The following AGBL4 variants were observed in gnomAD, a reference collection of about 807,000 sequenced individuals.
The protein encoded by AGBL4 is cytosolic carboxypeptidase 6.
In AGBL4, 58 loss-of-function variants were observed where a neutral mutation model predicts 66.4. The ratio of observed to expected loss-of-function variants is 0.87; its 90% CI spans 0.71 to 1.09. The LOEUF is 1.09. Ranked by LOEUF, AGBL4 falls within the 50% of genes least tolerant of loss-of-function variation. AGBL4 has a pLI of 0.00. For synonymous variants in AGBL4, 234 were observed against 222.9 expected (o/e 1.05, Z -0.44); for missense variants, 579 against 631.0 (o/e 0.92, Z 0.88).
intron 3 of AGBL4, among the ~76,000 whole-genome samples, chr1:49,607,543 T>A (rs1246873807): frequency 6.6e-6 from 1 of 152,124 alleles, no homozygotes; most frequent in Non-Finnish European, 1.5e-5. Context: ...GAGGTTTGCC[T>A]CTTCTAGGAG....
intron 6 of AGBL4, among the ~76,000 whole-genome samples, chr1:48,824,341 A>G (rs967494170): frequency 3.9e-5 from 6 of 152,222 alleles, no homozygotes; most frequent in African/African-American, 1.2e-4. Context: ...GACTTTTCTT[A>G]TGAAGACTTA....
At chr1:49,921,252 G>GA (rs1208290298) in intron 1 of AGBL4, among the ~76,000 whole-genome samples, 218 of 145,240 alleles carry the variant, frequency 1.5e-3, no homozygotes, top group African/African-American at 5.1e-3. Flanking sequence ...TTAAAAAAAA[G>GA]AAAAAAAAAC....
chr1:48,689,219 A>AAAAAAAAAAGAAAAG (rs1553207682), intron 6 of AGBL4, among the ~76,000 whole-genome samples: 3 of 141,514 alleles, frequency 2.1e-5, no homozygotes, highest in African/African-American at 9.3e-5. Context: ...AAAAAAAAAA[A>AAAAAAAAAAGAAAAG]AAAAGAAAAG....
chr1:49,972,809 C>T (rs892239472), intron 1 of AGBL4, among the ~76,000 whole-genome samples: 1 of 152,194 alleles, frequency 6.6e-6, no homozygotes, highest in Non-Finnish European at 1.5e-5. Flanking sequence ...GGGTTCAATA[C>T]TATCCATGCT....
intron 4 of AGBL4, among the ~76,000 whole-genome samples, chr1:49,217,310 T>C (rs561834538): frequency 6.6e-6 from 1 of 152,206 alleles, no homozygotes; most frequent in African/African-American, 2.4e-5. Context: ...CCCATTTACG[T>C]TTTTCTTTCT....
chr1:49,589,071 A>G (rs921159280), intron 3 of AGBL4, among the ~76,000 whole-genome samples: 3 of 152,190 alleles, frequency 2.0e-5, no homozygotes, highest in African/African-American at 4.8e-5. Flanking sequence ...AACAATTACC[A>G]GTGAAGGTAG....
intron 1 of AGBL4, among the ~76,000 whole-genome samples, chr1:49,885,706 A>G (rs1647961197): frequency 6.6e-6 from 1 of 152,134 alleles, no homozygotes. Context: ...CATAAGCTAT[A>G]TATCAAACTA....
chr1:48,808,640 T>G (rs1200500886), intron 6 of AGBL4, among the ~76,000 whole-genome samples: 1 of 151,528 alleles, frequency 6.6e-6, no homozygotes, highest in Non-Finnish European at 1.5e-5. Flanking sequence ...AGATCTAATG[T>G]GTAAGGCATG....
At chr1:49,956,931 T>C (rs1656657785) in intron 1 of AGBL4, among the ~76,000 whole-genome samples, 2 of 151,974 alleles carry the variant, frequency 1.3e-5, no homozygotes, top group African/African-American at 4.8e-5. Context: ...TGGAGAGCTT[T>C]GGATGCCTGG....
At chr1:49,824,753 G>A (rs950207243) in intron 2 of AGBL4, among the ~76,000 whole-genome samples, 1 of 152,288 alleles carries the variant, frequency 6.6e-6, no homozygotes, top group Non-Finnish European at 1.5e-5. Context: ...AACTAAAACT[G>A]TGTAAACATA....
chr1:48,687,410 T>C (rs1016355180), intron 6 of AGBL4, among the ~76,000 whole-genome samples: 1 of 152,152 alleles, frequency 6.6e-6, no homozygotes, highest in African/African-American at 2.4e-5. Context: ...GCGGGTGCTC[T>C]TGCTAGCAGG....
chr1:48,608,543 G>GTGGATGGATGGATGGA (rs111391043), intron 9 of AGBL4, among the ~76,000 whole-genome samples: 1 of 151,146 alleles, frequency 6.6e-6, no homozygotes, highest in African/African-American at 2.5e-5. Flanking sequence ...AGTCAGAGAA[G>GTGGATGGATGGATGGA]TGGATGGATG....
intron 5 of AGBL4, among the ~76,000 whole-genome samples, chr1:48,900,080 T>A (rs1324786454): frequency 1.3e-5 from 2 of 151,786 alleles, no homozygotes; most frequent in African/African-American, 4.8e-5. Flanking sequence ...GGGGTTGGAG[T>A]GCTCCAGTCA....
intron 8 of AGBL4, among the ~76,000 whole-genome samples, chr1:48,640,282 CT>C (rs1427123844): frequency 6.6e-6 from 1 of 152,160 alleles, no homozygotes; most frequent in Non-Finnish European, 1.5e-5. Context: ...AGTATCTTTT[CT>C]TTCTTCCTCT....
intron 3 of AGBL4, among the ~76,000 whole-genome samples, chr1:49,333,858 T>A (rs191392751): frequency 1.8e-4 from 28 of 152,258 alleles, no homozygotes; most frequent in African/African-American, 5.8e-4. Context: ...CTATTTAAAT[T>A]TGTGGGACTT....
chr1:49,523,905 C>A (rs961200936), intron 3 of AGBL4, among the ~76,000 whole-genome samples: 1 of 151,958 alleles, frequency 6.6e-6, no homozygotes, highest in Admixed American at 6.6e-5. Flanking sequence ...TGCCAAATAG[C>A]AAGGGCCTCA....
intron 3 of AGBL4, among the ~76,000 whole-genome samples, chr1:49,617,891 C>T (rs1037316894): frequency 6.6e-6 from 1 of 152,160 alleles, no homozygotes; most frequent in African/African-American, 2.4e-5. Flanking sequence ...CTCTGGAATA[C>T]ATGTGCAGAA....
At chr1:49,522,091 A>G (rs1281677033) in intron 3 of AGBL4, among the ~76,000 whole-genome samples, 1 of 152,054 alleles carries the variant, frequency 6.6e-6, no homozygotes, top group Non-Finnish European at 1.5e-5. Flanking sequence ...AAACAGAAAA[A>G]TTTGTTACAG....
intron 6 of AGBL4, among the ~76,000 whole-genome samples, chr1:48,825,629 T>A (rs935537440): frequency 6.6e-6 from 1 of 152,062 alleles, no homozygotes; most frequent in Non-Finnish European, 1.5e-5. Context: ...ATTGACTAAG[T>A]GAATAAGTGC....
Sources: allele counts gnomAD v4.1 joint callset (sites outside exome capture counted in the v4.1 genomes callset), GRCh38; gene constraint gnomAD v4.1.1; transcripts MANE v1.5; gene names NCBI Gene and HGNC (gene_info 2026-07-23, HGNC 2026-07-21).